Variants in ST6GALNAC5 observed in about 807,000 individuals in gnomAD.
ST6GALNAC5 encodes the protein alpha-N-acetylgalactosaminide alpha-2,6-sialyltransferase 5.
ST6GALNAC5 carries 27 observed loss-of-function variants against 33.6 expected under a neutral mutation model. The observed-to-expected ratio is 0.80, with a 90% CI of 0.59 to 1.11. The LOEUF is 1.11. Among genes scored for constraint, ST6GALNAC5 ranks in the 50% least tolerant of loss-of-function variants. The probability of loss-of-function intolerance (pLI) is 0.00; values close to 1 mark genes in which losing one functional copy is unlikely to be tolerated. For missense variants in ST6GALNAC5, 428 were observed against 454.0 expected, an observed-to-expected ratio of 0.94 and a Z score of 0.52; for synonymous variants, 194 against 171.2, an observed-to-expected ratio of 1.13 and a Z score of -1.04.
intron 3 of ST6GALNAC5, among the ~76,000 whole-genome samples, chr1:77,047,284 A>G (rs1364185329): frequency 1.3e-5 from 2 of 152,232 alleles, no homozygotes; most frequent in Non-Finnish European, 2.9e-5. Flanking sequence ...GCTCCAAGCT[A>G]AAAGAAACAA....
rs901984141 is a variant in ST6GALNAC5, at chr1:76,906,001, T to C, written c.261+37259T>C. The stretch of plus-strand genomic sequence containing the variant: ...TCCAGAAACATGCAGAACATTAGCA[T>C]GACCCAACTGCTTGAAAGCAAACAA... On this transcript the variant is annotated intron_variant, in intron 2 of 4. Coordinates refer to ENST00000477717, the MANE Select transcript of ST6GALNAC5 (RefSeq NM_030965.3). Among the ~76,000 whole-genome samples the C allele has an allele frequency of 4.6e-5, 7 of 152,298 alleles. No homozygotes were observed. In the South Asian group the frequency reaches 6.2e-4, roughly 14 times the overall value.
rs141091517 is a variant in ST6GALNAC5, at chr1:76,953,881, T to C, written c.261+85139T>C. Among the ~76,000 whole-genome samples the C allele has an allele frequency of 1.2e-4, 18 of 152,254 alleles. No homozygotes were observed. The East Asian group carries it at 3.5e-3, about 29-fold the overall frequency. Reference sequence around the variant, plus strand: ...TTTTCTGCCCATTGGTGTCCAATTGTTCCCGTGTTGTTTGTTCAAAGTTAT... The same window carrying C: ...TTTTCTGCCCATTGGTGTCCAATTGCTCCCGTGTTGTTTGTTCAAAGTTAT... On this transcript the variant is annotated intron_variant, in intron 2 of 4. Coordinates refer to ENST00000477717, the MANE Select transcript of ST6GALNAC5 (RefSeq NM_030965.3).
At chr1:77,009,722 C>A (rs548431675) in intron 2 of ST6GALNAC5, among the ~76,000 whole-genome samples, 1 of 152,140 alleles carries the variant, frequency 6.6e-6, no homozygotes, top group Admixed American at 6.5e-5. Context: ...TTGTTATAGG[C>A]GATCTTTCTC....
intron 2 of ST6GALNAC5, among the ~76,000 whole-genome samples, chr1:76,915,745 A>T (rs1646965348): frequency 6.6e-6 from 1 of 152,112 alleles, no homozygotes; most frequent in East Asian, 1.9e-4. Flanking sequence ...CTAATGCTAA[A>T]TGACGAGTTA....
At position 76,901,593 on chromosome 1, in the gene ST6GALNAC5, G is replaced by T. The variant is rs183428646; in HGVS notation, c.261+32851G>T. Among the ~76,000 whole-genome samples, 499 of 152,266 alleles carry T rather than the reference G, an allele frequency of 3.3e-3. 2 individuals carry two copies. The highest frequency in any genetic ancestry group is 0.017 in the Middle Eastern group (5 of 294). The stretch of plus-strand genomic sequence containing the variant: ...CTGATAAATAGCAAAGAAGAGAACA[G>T]GGTACTTTGGGAATATAAGGCCTTT... On this transcript the variant is annotated intron_variant, in intron 2 of 4. Transcript: ENST00000477717.
At chr1:76,962,407 G>A (rs1202814011) in intron 2 of ST6GALNAC5, among the ~76,000 whole-genome samples, 7 of 152,214 alleles carry the variant, frequency 4.6e-5, no homozygotes, top group Non-Finnish European at 7.3e-5. Flanking sequence ...AAAAGGACTT[G>A]AAGGAGATGT....
chr1:76,921,905 T>C (rs1647037841), intron 2 of ST6GALNAC5, among the ~76,000 whole-genome samples: 1 of 152,158 alleles, frequency 6.6e-6, no homozygotes, highest in African/African-American at 2.4e-5. Flanking sequence ...GCATATATCA[T>C]ACCTAACAGG....
chr1:77,026,198 G>GA (rs35053448), intron 2 of ST6GALNAC5, among the ~76,000 whole-genome samples: 16,622 of 152,038 alleles, frequency 0.11, 1,022 homozygotes, highest in Admixed American at 0.16. Context: ...ATTTTCTTTG[G>GA]AAAAAAGAGC....
chr1:76,985,075 A>T (rs775351081), intron 2 of ST6GALNAC5, among the ~76,000 whole-genome samples: 1 of 152,178 alleles, frequency 6.6e-6, no homozygotes, highest in Non-Finnish European at 1.5e-5. Context: ...ATGAGCAAAA[A>T]CTGGAAGCAT....
chr1:77,020,020 G>T lies in ST6GALNAC5; in HGVS notation c.262-24184G>T, dbSNP rs191093871. ...ATTTTACATGAAAACCTGTCAGACT[G>T]GTTTTTTATTATAAAAATAATGTAA... On this transcript the variant is annotated intron_variant, in intron 2 of 4. Transcript: ENST00000477717. Among the ~76,000 whole-genome samples, 42 of 152,240 alleles carry T rather than the reference G, an allele frequency of 2.8e-4. No individual in the cohort carries two copies. In the East Asian group the frequency reaches 7.7e-3, roughly 28 times the overall value.
intron 2 of ST6GALNAC5, among the ~76,000 whole-genome samples, chr1:76,938,032 T>G (rs2100320907): frequency 6.6e-6 from 1 of 152,016 alleles, no homozygotes; most frequent in Admixed American, 6.6e-5. Context: ...CTCTAAGAAC[T>G]GATCATTAGA....
intron 2 of ST6GALNAC5, among the ~76,000 whole-genome samples, chr1:76,980,827 T>C (rs11162246): frequency 0.25 from 38,450 of 151,994 alleles, 4,982 homozygotes; most frequent in Middle Eastern, 0.37. Context: ...TTCTTAGATG[T>C]GATACCAAAA....
At chr1:76,875,969 A>G (rs1026998847) in intron 2 of ST6GALNAC5, among the ~76,000 whole-genome samples, 24 of 152,192 alleles carry the variant, frequency 1.6e-4, no homozygotes, top group Non-Finnish European at 4.4e-5. Context: ...GCCCACTGCC[A>G]CACTACTTTA....
chr1:76,965,370 G>A (rs1208025445), intron 2 of ST6GALNAC5, among the ~76,000 whole-genome samples: 1 of 152,190 alleles, frequency 6.6e-6, no homozygotes, highest in African/African-American at 2.4e-5. Context: ...CAGTGATGAT[G>A]AGCATTTTTT....
chr1:76,880,424 C>T (rs577531569), intron 2 of ST6GALNAC5, among the ~76,000 whole-genome samples: 1 of 152,262 alleles, frequency 6.6e-6, no homozygotes, highest in African/African-American at 2.4e-5. Flanking sequence ...TATTAGTCAG[C>T]ATTCTCTAGA....
At chr1:76,999,634 TC>T (rs908803493) in intron 2 of ST6GALNAC5, among the ~76,000 whole-genome samples, 24 of 144,388 alleles carry the variant, frequency 1.7e-4, no homozygotes, top group African/African-American at 5.6e-4. Flanking sequence ...ATGCTATCCC[TC>T]CCCCCTGCCC....
chr1:77,052,784 T>C (rs1378344033), intron 4 of ST6GALNAC5, among the ~76,000 whole-genome samples: 1 of 151,336 alleles, frequency 6.6e-6, no homozygotes. Context: ...CCAGGCATGA[T>C]AGTGTGCACC....
intron 2 of ST6GALNAC5, among the ~76,000 whole-genome samples, chr1:77,029,017 G>T (rs1045391852): frequency 6.6e-6 from 1 of 152,268 alleles, no homozygotes; most frequent in African/African-American, 2.4e-5. Flanking sequence ...CGTGGGTGGT[G>T]GTCCAGTGTG....
At chr1:76,994,959 G>T (rs1361315525) in intron 2 of ST6GALNAC5, among the ~76,000 whole-genome samples, 1 of 152,046 alleles carries the variant, frequency 6.6e-6, no homozygotes, top group Non-Finnish European at 1.5e-5. Flanking sequence ...TTGTTTCTAA[G>T]GTCAGCTTTA....
Sources: allele counts gnomAD v4.1 joint callset (sites outside exome capture counted in the v4.1 genomes callset), GRCh38; gene constraint gnomAD v4.1.1; transcripts MANE v1.5; gene names NCBI Gene and HGNC (gene_info 2026-07-23, HGNC 2026-07-21).